The following WDR5 variants were observed in gnomAD, a reference collection of about 807,000 sequenced individuals.
WDR5 encodes the protein WD repeat domain 5.
For missense variants in WDR5, 187 were observed against 416.9 expected, an observed-to-expected ratio of 0.45 and a Z score of 4.80; for synonymous variants, 144 against 161.6, an observed-to-expected ratio of 0.89 and a Z score of 0.83.
chr9:134,145,103 T>TTTTTTG (rs1395766520), intron 7 of WDR5, among the ~76,000 whole-genome samples: 13 of 89,862 alleles, frequency 1.4e-4, no homozygotes, highest in Admixed American at 1.4e-3. Flanking sequence ...TTTGTTTTTT[T>TTTTTTG]TTTTTTTTTT....
chr9:134,143,605 C>T (rs1832014243), intron 7 of WDR5, among the ~76,000 whole-genome samples: 1 of 150,866 alleles, frequency 6.6e-6, no homozygotes, highest in Non-Finnish European at 1.5e-5. Flanking sequence ...CGGCTCACTG[C>T]AAGCTCCGCC....
In WDR5 at chr9:134,142,321, A is replaced by G. The variant is rs749223085; in HGVS notation, c.355-12A>G. 10 of 1,611,024 alleles carry G rather than the reference A, an allele frequency of 6.2e-6. No homozygotes were observed. Among genetic ancestry groups the G allele is most frequent in the Non-Finnish European group, 8.5e-6 (10 of 1,177,878 alleles). ...TAAGCACTGGAATAATCCTAATAAT[A>G]CTCTGTTATAGGGCAAGTGTCTGAA... On this transcript the variant is annotated splice_polypyrimidine_tract_variant and intron_variant, in intron 5 of 13. Transcript: ENST00000358625.
Position 134,151,460 on chromosome 9 carries a change from T to TG in WDR5, c.585-522dup, listed in dbSNP as rs763369798. ...AACACAGTGGGCTCTGCTTCCAGAA[T>TG]GCGTCTGTATTGGCAGAAATCACAG... is the stretch of plus-strand genomic sequence containing the variant. On this transcript the variant is annotated intron_variant, in intron 8 of 13. Transcript: ENST00000358625. 3.5e-4 allele frequency among the ~76,000 whole-genome samples: 53 copies of TG among 152,350 alleles called. No homozygotes were observed. In the East Asian group the frequency reaches 3.7e-3, roughly 11 times the overall value.
At chr9:134,150,114 C>T (rs1312348932) in intron 8 of WDR5, among the ~76,000 whole-genome samples, 1 of 152,154 alleles carries the variant, frequency 6.6e-6, no homozygotes. Flanking sequence ...AGCTTGCTAC[C>T]TAAGCCTTGA....
chr9:134,156,197 A>G (rs1381508128), intron 12 of WDR5, among the ~76,000 whole-genome samples: 1 of 152,232 alleles, frequency 6.6e-6, no homozygotes, highest in Non-Finnish European at 1.5e-5. Context: ...CATGTGTGTG[A>G]CACACAGACT....
intron 7 of WDR5, among the ~76,000 whole-genome samples, chr9:134,143,376 A>G (rs2132538442): frequency 6.6e-6 from 1 of 152,270 alleles, no homozygotes; most frequent in South Asian, 2.1e-4. Flanking sequence ...CCCCGTCTCT[A>G]CTAAAAATAC....
chr9:134,155,059 T>G (rs532498730), intron 10 of WDR5, among the ~76,000 whole-genome samples: 3 of 152,308 alleles, frequency 2.0e-5, no homozygotes, highest in Admixed American at 6.5e-5. Flanking sequence ...CTCACCCTTT[T>G]GAGGATGACC....
intron 7 of WDR5, 38 bp from the exon 8 acceptor site, chr9:134,148,250 G>GT: frequency 8.4e-7 from 1 of 1,194,560 alleles, no homozygotes; most frequent in East Asian, 3.3e-5. Flanking sequence ...TGACTTGAAA[G>GT]TAAGTTTTTG....
intron 9 of WDR5, 133 bp downstream of exon 9, chr9:134,152,162 G>A (rs1460296023): frequency 1.7e-5 from 18 of 1,039,248 alleles, no homozygotes; most frequent in Middle Eastern, 2.6e-4. Context: ...ACCTTCCTCC[G>A]TGTCCGACCG....
intron 1 of WDR5, among the ~76,000 whole-genome samples, chr9:134,136,647 C>G (rs558929683): frequency 1.6e-4 from 24 of 152,354 alleles, no homozygotes; most frequent in Middle Eastern, 6.8e-3. Flanking sequence ...CTCACCCCAA[C>G]CCGAGGCAGC....
At position 134,155,296 on chromosome 9, in the gene WDR5, G is replaced by A. The variant is rs372350663; in HGVS notation, c.708-44G>A. On this transcript the variant is annotated intron_variant, in intron 10 of 13. Transcript: ENST00000358625. ...GCAGAGTTGGGTGTGGGGACAGAAG[G>A]ATGCCTCCAGACATGCCGCCTCACC... 7.8e-5 allele frequency: 120 copies of A among 1,537,328 alleles called. No individual in the cohort carries two copies. The African/African-American group carries it at 1.6e-3, about 20-fold the overall frequency.
At chr9:134,135,780 C>A (rs901045502), upstream of WDR5, 2 of 152,188 alleles carry the variant, frequency 1.3e-5, no homozygotes, top group Non-Finnish European at 2.9e-5. Context: ...CCCGGAGGGC[C>A]GCTGGTGTCT....
chr9:134,142,113 A>T, intron 5 of WDR5, 75 bp downstream of exon 5: 1 of 1,309,074 alleles, frequency 7.6e-7, no homozygotes, highest in Non-Finnish European at 1.1e-6. Flanking sequence ...GACTGAGTTG[A>T]CTGCTCAGTA....
rs530891774 is a variant in WDR5 at position 134,155,547 on chromosome 9, G to A, written c.742-146G>A. The A allele has an allele frequency of 5.4e-5, 68 of 1,252,006 alleles. No individual in the cohort carries two copies. The African/African-American group carries it at 8.1e-4, about 15-fold the overall frequency. 77.6% of individuals were successfully genotyped at this position (1,252,006 alleles called of 1,614,324 possible). On this transcript the variant is annotated intron_variant, in intron 11 of 13. Coordinates refer to ENST00000358625, the MANE Select transcript of WDR5 (RefSeq NM_017588.3). Reference sequence around the variant, plus strand: ...GTATTTGTAGGGTGGCAGTCTGCAAGTTAAATCTTCGATTGTGTGGGTTTG... The same window carrying A: ...GTATTTGTAGGGTGGCAGTCTGCAAATTAAATCTTCGATTGTGTGGGTTTG...
chr9:134,143,555 C>T (rs1207424144), intron 7 of WDR5, among the ~76,000 whole-genome samples: 2 of 146,422 alleles, frequency 1.4e-5, no homozygotes, highest in Non-Finnish European at 3.0e-5. Context: ...GAGACTGAGT[C>T]TCGCTCTGTT....
At chr9:134,147,996 AAT>A (rs1056542274) in intron 7 of WDR5, among the ~76,000 whole-genome samples, 1 of 151,752 alleles carries the variant, frequency 6.6e-6, no homozygotes, top group Non-Finnish European at 1.5e-5. Context: ...CTCTCCTAAA[AAT>A]ATATATATAT....
At chr9:134,152,188 CT>C (rs1256926181) in intron 9 of WDR5, among the ~76,000 whole-genome samples, 159 bp downstream of exon 9, 1 of 152,258 alleles carries the variant, frequency 6.6e-6, no homozygotes, top group Non-Finnish European at 1.5e-5. Flanking sequence ...CCAGCTCCCC[CT>C]GACCGCCCGC....
At chr9:134,156,734 T>G in intron 13 of WDR5, 141 bp downstream of exon 13, 1 of 761,818 alleles carries the variant, frequency 1.3e-6, no homozygotes, top group Admixed American at 2.5e-5. Flanking sequence ...GAGGAACCGC[T>G]GCTAAGAGCT....
rs1302030391 is a variant in WDR5, at chr9:134,156,437, C to T, written c.817-69C>T. ...GGGGCAGGGCATAACTGGAGATTCT[C>T]TCCCTTTCACATGCATGAGCTCTGA... On this transcript the variant is annotated intron_variant, in intron 12 of 13. Transcript: ENST00000358625. The T allele has an allele frequency of 6.1e-6, 9 of 1,486,002 alleles. No individual in the cohort carries two copies. In the African/African-American group the frequency reaches 9.7e-5, roughly 16 times the overall value. 92.1% of individuals were successfully genotyped at this position (1,486,002 alleles called of 1,614,324 possible). A position where few individuals can be genotyped will look rare whatever the true frequency, so the allele number is the denominator to read the frequency against.
Sources: gnomAD v4.1 joint callset for allele counts (sites outside exome capture counted in the v4.1 genomes callset) on GRCh38, gnomAD v4.1.1 for gene constraint, MANE v1.5 for transcripts, NCBI Gene and HGNC (gene_info 2026-07-23, HGNC 2026-07-21) for gene names.